SH3TC2: variants seen among roughly 807,000 people sequenced by gnomAD.
SH3TC2 encodes the protein SH3 domain and tetratricopeptide repeat-containing protein 2.
In SH3TC2, 87 loss-of-function variants were observed where a neutral mutation model predicts 124.5. That is an observed-to-expected ratio of 0.70 (90% CI 0.59 to 0.84). The LOEUF (loss-of-function observed/expected upper bound fraction) is 0.84, where lower values mean the gene tolerates loss of function less well. SH3TC2 is among the 40% of genes least tolerant of loss of function. SH3TC2 has a pLI of 0.00. For missense variants in SH3TC2, 1,536 were observed against 1,566.4 expected (o/e 0.98, Z 0.33); for synonymous variants, 634 against 628.5 (o/e 1.01, Z -0.13).
chr5:149,030,795 C>T (rs960824592), intron 9 of SH3TC2, among the ~76,000 whole-genome samples: 1 of 152,246 alleles, frequency 6.6e-6, no homozygotes, highest in African/African-American at 2.4e-5. Context: ...AGAGCGGACA[C>T]AATGTCACCA....
intron 1 of SH3TC2, among the ~76,000 whole-genome samples, chr5:149,057,197 A>G (rs1371180151): frequency 6.6e-6 from 1 of 152,172 alleles, no homozygotes; most frequent in Non-Finnish European, 1.5e-5. Context: ...AGCTTTGTCA[A>G]TTGCCCCAGT....
Position 149,004,299 on chromosome 5 carries a change from T to A in SH3TC2, c.*412A>T. The A allele has an allele frequency of 5.1e-6, 1 of 194,810 alleles. No homozygotes were observed. The highest frequency in any genetic ancestry group is 1.1e-5 in the Non-Finnish European group (1 of 93,438). The allele number at this position is 194,810 out of a possible 1,614,324, so 12.1% of individuals were successfully genotyped here. The stretch of plus-strand genomic sequence containing the variant: ...CTGGCAAGGGGAAGGGGTCTTTCCC[T>A]GAGAAAATCGGTGAAGAGCACAAAT... On this transcript the variant is annotated 3_prime_UTR_variant, in exon 17 of 17. Coordinates refer to ENST00000515425, the MANE Select transcript of SH3TC2 (RefSeq NM_024577.4).
rs1230113244 is a variant in SH3TC2 at position 149,006,908 on chromosome 5, C to G, written c.3648G>C (p.Leu1216=). 7.4e-6 allele frequency: 12 copies of G among 1,613,964 alleles called. No homozygotes were observed. The highest frequency in any genetic ancestry group is 1.0e-5 in the Non-Finnish European group (12 of 1,179,998). The part of the protein sequence containing the change: ...ALYYAKVYYR[L]GRLTFCQLKD... ...TCAGCTGGCAGAAGGTGAGTCTGCC[C>G]AGGCGATAATACACCTTGGCATAGT... Residue 1216 remains leucine, a synonymous_variant, in exon 16 of 17, where the codon CTG becomes CTC. Transcript: ENST00000515425.
At chr5:149,008,654 T>A in intron 15 of SH3TC2, 197 bp downstream of exon 15, 2 of 687,268 alleles carry the variant, frequency 2.9e-6, no homozygotes, top group Non-Finnish European at 5.0e-6. Flanking sequence ...GCACTATTTT[T>A]AATCCTGATT....
Position 148,992,571 on chromosome 5 carries a change from A to T in SH3TC2, c.*12140T>A, listed in dbSNP as rs941014755. 3.5e-5 allele frequency among the ~76,000 whole-genome samples: 5 copies of T among 144,628 alleles called. No homozygotes were observed. The highest frequency in any genetic ancestry group is 7.5e-5 in the Non-Finnish European group (5 of 66,630). 94.9% of individuals were successfully genotyped at this position (144,628 alleles called of 152,430 possible). ...TTTGAAAGTATGTGTATGGGTGTGT[A>T]TACATAATTCCAAGAAGAGATTTCA... On this transcript the variant is annotated 3_prime_UTR_variant, in exon 17 of 17. Transcript: ENST00000515425.
At chr5:149,035,092 C>A (rs1289434372) in intron 8 of SH3TC2, among the ~76,000 whole-genome samples, 4 of 152,054 alleles carry the variant, frequency 2.6e-5, no homozygotes, top group Non-Finnish European at 5.9e-5. Context: ...AAATATATTA[C>A]ACGTAGACAC....
chr5:149,024,583 C>A (rs533603522), intron 12 of SH3TC2, among the ~76,000 whole-genome samples: 196 of 152,356 alleles, frequency 1.3e-3, no homozygotes, highest in Non-Finnish European at 2.5e-3. Flanking sequence ...TTCAACTTAT[C>A]TTTACAGATG....
At chr5:149,014,291 T>C (rs1309299448) in intron 12 of SH3TC2, among the ~76,000 whole-genome samples, 3 of 152,124 alleles carry the variant, frequency 2.0e-5, no homozygotes, top group African/African-American at 7.2e-5. Flanking sequence ...CTAAGACACA[T>C]CCAGGTTACA....
rs752178789 is a variant in SH3TC2, at chr5:149,027,461, C to T, written c.2271G>A (p.Arg757=). The T allele has an allele frequency of 3.7e-6, 6 of 1,614,172 alleles. No homozygotes were observed. The highest frequency in any genetic ancestry group is 4.2e-6 in the Non-Finnish European group (5 of 1,180,050). ...CEELADRSTQ[R]ALCLILSKVY... ...CTTTGGAAAGGATGAGACACAGGGC[C>T]CTCTGGGTGCTCCGGTCTGCTAGTT... The change falls in exon 11 of 17, where the codon AGG becomes AGA. Residue 757 remains arginine, a synonymous_variant. Transcript: ENST00000515425.
chr5:149,012,503 C>T (rs566482789), intron 13 of SH3TC2, 81 bp downstream of exon 13: 3 of 1,558,452 alleles, frequency 1.9e-6, no homozygotes, highest in East Asian at 2.2e-5. Context: ...CTCTGGTTCC[C>T]CCTGGTTGAT....
chr5:148,993,965 C>G lies in SH3TC2; in HGVS notation c.*10746G>C, dbSNP rs1753461796. Among the ~76,000 whole-genome samples the G allele has an allele frequency of 6.6e-6, 1 of 152,170 alleles. No homozygotes were observed. Among genetic ancestry groups the G allele is most frequent in the Non-Finnish European group, 1.5e-5 (1 of 68,030 alleles). On this transcript the variant is annotated 3_prime_UTR_variant, in exon 17 of 17. Transcript: ENST00000515425. ...CACACATTTGATCCACACAACAATC[C>G]CATGAGATAAGTACTATTATCATCT... is the stretch of plus-strand genomic sequence containing the variant.
At chr5:149,037,049 T>A (rs1231874460) in intron 8 of SH3TC2, among the ~76,000 whole-genome samples, 5 of 151,994 alleles carry the variant, frequency 3.3e-5, no homozygotes, top group Non-Finnish European at 7.4e-5. Flanking sequence ...ATGCAGTAGC[T>A]CCCCATTCTC....
At chr5:149,016,872 C>A (rs1330615330) in intron 12 of SH3TC2, among the ~76,000 whole-genome samples, 1 of 150,058 alleles carries the variant, frequency 6.7e-6, no homozygotes, top group African/African-American at 2.5e-5. Context: ...TTGCAGTGAG[C>A]CGAGATCACG....
chr5:149,016,519 CA>C (rs1306453622), intron 12 of SH3TC2, among the ~76,000 whole-genome samples: 1 of 152,074 alleles, frequency 6.6e-6, no homozygotes, highest in Non-Finnish European at 1.5e-5. Flanking sequence ...TCCTTATTTA[CA>C]ACAAAAATGA....
chr5:149,029,015 A>G (rs1391662708), intron 9 of SH3TC2, among the ~76,000 whole-genome samples: 1 of 95,340 alleles, frequency 1.0e-5, no homozygotes, highest in African/African-American at 4.2e-5. Context: ...TGGGTACTGT[A>G]GGGGGGTGGG....
At chr5:149,029,329 A>T (rs1228905243) in intron 9 of SH3TC2, among the ~76,000 whole-genome samples, 2 of 152,240 alleles carry the variant, frequency 1.3e-5, no homozygotes, top group Non-Finnish European at 2.9e-5. Context: ...GCAAGGATGC[A>T]TCTGAGACTG....
chr5:149,059,622 T>C (rs777376894), intron 1 of SH3TC2, among the ~76,000 whole-genome samples: 10 of 150,606 alleles, frequency 6.6e-5, no homozygotes, highest in Non-Finnish European at 1.3e-4. Flanking sequence ...CCCACATGAA[T>C]ATATCTTAGA....
intron 14 of SH3TC2, among the ~76,000 whole-genome samples, chr5:149,009,394 A>G (rs919453875): frequency 8.0e-6 from 1 of 124,818 alleles, no homozygotes; most frequent in Non-Finnish European, 1.8e-5. Context: ...AAAAGTGGTC[A>G]TTTCTATGTT....
chr5:149,052,131 C>T lies in SH3TC2; in HGVS notation c.151+11G>A, dbSNP rs773004267. On this transcript the variant is annotated intron_variant, in intron 2 of 16. Transcript: ENST00000515425. ...ATGGAAGAATAGGGCTTGTCTTTGG[C>T]ATTTGGATACCTGGATTAATGTTCT... 7 of 1,576,404 alleles carry T rather than the reference C, an allele frequency of 4.4e-6. No individual in the cohort carries two copies. The highest frequency in any genetic ancestry group is 1.7e-4 in the Middle Eastern group (1 of 6,016).
Sources: gnomAD v4.1 joint callset for allele counts (sites outside exome capture counted in the v4.1 genomes callset) on GRCh38, gnomAD v4.1.1 for gene constraint, MANE v1.5 for transcripts, NCBI Gene and HGNC (gene_info 2026-07-23, HGNC 2026-07-21) for gene names.